ROR1: variants seen among roughly 807,000 people sequenced by gnomAD.
ROR1 encodes inactive tyrosine-protein kinase transmembrane receptor ROR1.
In ROR1, 19 loss-of-function variants were observed where a neutral mutation model predicts 78.8. The ratio of observed to expected loss-of-function variants is 0.24; its 90% CI spans 0.17 to 0.35. The LOEUF (loss-of-function observed/expected upper bound fraction) is 0.35. Ranked by LOEUF, ROR1 falls within the 10% of genes least tolerant of loss-of-function variation. The pLI is 1.00. For missense variants in ROR1, 917 were observed against 1,177.8 expected, an observed-to-expected ratio of 0.78 and a Z score of 3.24; for synonymous variants, 386 against 433.6, an observed-to-expected ratio of 0.89 and a Z score of 1.36.
At chr1:63,812,865 A>G (rs1038956194) in intron 1 of ROR1, among the ~76,000 whole-genome samples, 2 of 152,182 alleles carry the variant, frequency 1.3e-5, no homozygotes, top group Non-Finnish European at 2.9e-5. Context: ...AGCTGAGTCC[A>G]GAGAGGCTGA....
At chr1:64,119,316 C>T (rs185751312) in intron 4 of ROR1, among the ~76,000 whole-genome samples, 11 of 151,984 alleles carry the variant, frequency 7.2e-5, no homozygotes, top group East Asian at 1.9e-4. Context: ...TTTTTTTATC[C>T]TTATTCACGA....
intron 4 of ROR1, among the ~76,000 whole-genome samples, chr1:64,109,515 C>T (rs955886970): frequency 6.6e-6 from 1 of 152,094 alleles, no homozygotes; most frequent in African/African-American, 2.4e-5. Context: ...CTAGATAGCA[C>T]TTTCACACAT....
chr1:64,138,564 G>C lies in ROR1; in HGVS notation c.610+1068G>C, dbSNP rs1356212485. On this transcript the variant is annotated intron_variant, in intron 5 of 8. Coordinates refer to ENST00000371079, the MANE Select transcript of ROR1 (RefSeq NM_005012.4). ...AGGAGGACTTTTTTTTTTTTTTTTTGAGATGGAGTCTCGCTCTGTCACCCA... is the reference window on the plus strand; with the variant it reads ...AGGAGGACTTTTTTTTTTTTTTTTTCAGATGGAGTCTCGCTCTGTCACCCA... 2.4e-5 allele frequency among the ~76,000 whole-genome samples: 3 copies of C among 123,148 alleles called. No individual in the cohort carries two copies. In the East Asian group the frequency reaches 7.2e-4, roughly 29 times the overall value. 80.8% of individuals were successfully genotyped at this position (123,148 alleles called of 152,430 possible).
intron 1 of ROR1, among the ~76,000 whole-genome samples, chr1:63,959,408 T>TG (rs1284576656): frequency 6.6e-6 from 1 of 152,158 alleles, no homozygotes; most frequent in Non-Finnish European, 1.5e-5. Flanking sequence ...ATTTGATCCA[T>TG]GGTTTGGATT....
chr1:63,793,328 T>C (rs1644738153), intron 1 of ROR1, among the ~76,000 whole-genome samples: 1 of 152,214 alleles, frequency 6.6e-6, no homozygotes, highest in Non-Finnish European at 1.5e-5. Context: ...AAATGATCGA[T>C]TGGCAGTAGG....
intron 1 of ROR1, among the ~76,000 whole-genome samples, chr1:63,846,275 T>C (rs1280476029): frequency 2.6e-5 from 4 of 152,008 alleles, no homozygotes; most frequent in Non-Finnish European, 5.9e-5. Flanking sequence ...ACCAGAGTTA[T>C]TTTCTATTAA....
chr1:63,894,602 G>C (rs1645425063), intron 1 of ROR1, among the ~76,000 whole-genome samples: 1 of 152,136 alleles, frequency 6.6e-6, no homozygotes. Context: ...GCACAGGGGA[G>C]GTTTTTGGGA....
chr1:63,943,141 A>G (rs944126646), intron 1 of ROR1, among the ~76,000 whole-genome samples: 2 of 151,350 alleles, frequency 1.3e-5, no homozygotes, highest in Admixed American at 6.6e-5. Flanking sequence ...AGCCATGCCT[A>G]TGAGCTACTC....
intron 1 of ROR1, among the ~76,000 whole-genome samples, chr1:63,887,483 G>A (rs992268439): frequency 2.6e-5 from 4 of 152,112 alleles, no homozygotes; most frequent in African/African-American, 9.7e-5. Flanking sequence ...ACTACCTAAA[G>A]CAAGCTATAG....
In ROR1 at chr1:64,003,412, A is replaced by G. The variant is rs116034363; in HGVS notation, c.92-5893A>G. Reference sequence around the variant, plus strand: ...TTGAGCAGGGGTTTAAAGTTGCAGGATTGTGCCATCTTCTTTCTTTGTGAC... The same window carrying G: ...TTGAGCAGGGGTTTAAAGTTGCAGGGTTGTGCCATCTTCTTTCTTTGTGAC... On this transcript the variant is annotated intron_variant, in intron 1 of 8. Coordinates refer to ENST00000371079, the MANE Select transcript of ROR1 (RefSeq NM_005012.4). Among the ~76,000 whole-genome samples the G allele has an allele frequency of 4.3e-3, 649 of 152,316 alleles. 6 individuals are homozygous for G. The highest frequency in any genetic ancestry group is 0.014 in the African/African-American group (589 of 41,574).
intron 7 of ROR1, among the ~76,000 whole-genome samples, chr1:64,148,838 C>T (rs892294106): frequency 1.3e-5 from 2 of 152,128 alleles, no homozygotes; most frequent in Admixed American, 1.3e-4. Flanking sequence ...GGCTTCTCAT[C>T]CTCCATGTCT....
chr1:63,886,996 C>T (rs1254332955), intron 1 of ROR1, among the ~76,000 whole-genome samples: 2 of 152,196 alleles, frequency 1.3e-5, no homozygotes, highest in Admixed American at 1.3e-4. Flanking sequence ...CTCTGTCCTC[C>T]TCCCAAAAGA....
chr1:64,096,533 TC>T (rs2100650834), intron 4 of ROR1, among the ~76,000 whole-genome samples: 1 of 152,290 alleles, frequency 6.6e-6, no homozygotes, highest in Non-Finnish European at 1.5e-5. Flanking sequence ...GATAATGGCC[TC>T]CAGCTCCGTC....
intron 2 of ROR1, among the ~76,000 whole-genome samples, chr1:64,020,652 C>T (rs1646557415): frequency 6.6e-6 from 1 of 152,150 alleles, no homozygotes; most frequent in South Asian, 2.1e-4. Flanking sequence ...TCTTCATTCC[C>T]TCTGGCCTGT....
chr1:64,003,717 G>T (rs1646405921), intron 1 of ROR1, among the ~76,000 whole-genome samples: 1 of 152,174 alleles, frequency 6.6e-6, no homozygotes, highest in South Asian at 2.1e-4. Flanking sequence ...AATGTAGCCT[G>T]CCTGTCCTTT....
chr1:63,865,193 A>G (rs1267705617), intron 1 of ROR1, among the ~76,000 whole-genome samples: 1 of 152,112 alleles, frequency 6.6e-6, no homozygotes, highest in Non-Finnish European at 1.5e-5. Context: ...TATTTGTATT[A>G]CCTGTTTGGT....
At chr1:63,858,388 G>A (rs764207561) in intron 1 of ROR1, among the ~76,000 whole-genome samples, 1 of 152,060 alleles carries the variant, frequency 6.6e-6, no homozygotes, top group Non-Finnish European at 1.5e-5. Context: ...CTTTGCATTA[G>A]TTAAGTAGAG....
Position 64,175,253 on chromosome 1 carries a change from CCTT to C in ROR1, c.1387-2172_1387-2170del, listed in dbSNP as rs1443592910. Among the ~76,000 whole-genome samples, 4 of 151,754 alleles carry C rather than the reference CCTT, an allele frequency of 2.6e-5. No individual in the cohort carries two copies. The East Asian group carries it at 7.7e-4, about 29-fold the overall frequency. Reference sequence around the variant, plus strand: ...AATATGTTTCATGTGTTCTTTTTCTCCTTCTCTCTTACACAAAAGCAGCATCCA... The same window carrying C: ...AATATGTTTCATGTGTTCTTTTTCTCCTCTCTTACACAAAAGCAGCATCCA... On this transcript the variant is annotated intron_variant, in intron 8 of 8. Transcript: ENST00000371079.
At chr1:63,888,278 C>T (rs1298335205) in intron 1 of ROR1, among the ~76,000 whole-genome samples, 5 of 151,978 alleles carry the variant, frequency 3.3e-5, no homozygotes, top group Admixed American at 2.6e-4. Flanking sequence ...TAAGTTTAAG[C>T]CTTGTGCTAC....
Sources: allele counts gnomAD v4.1 joint callset (sites outside exome capture counted in the v4.1 genomes callset), GRCh38; gene constraint gnomAD v4.1.1; transcripts MANE v1.5; gene names NCBI Gene and HGNC (gene_info 2026-07-23, HGNC 2026-07-21).